UNC5D: variants seen among roughly 807,000 people sequenced by gnomAD.
The protein encoded by UNC5D is netrin receptor UNC5D.
A neutral mutation model predicts 105.4 loss-of-function variants in UNC5D; 39 were observed. That is an observed-to-expected ratio of 0.37 (90% confidence interval 0.29 to 0.48). The LOEUF (loss-of-function observed/expected upper bound fraction) is 0.48, where lower values mean the gene tolerates loss of function less well. Ranked by LOEUF, UNC5D falls within the 20% of genes least tolerant of loss-of-function variation. UNC5D has a pLI of 0.98. For missense variants in UNC5D, 991 were observed against 1,202.4 expected (o/e 0.82, Z 2.60); for synonymous variants, 452 against 450.4 (o/e 1.00, Z -0.04).
chr8:35,325,779 G>A (rs1176821014), intron 1 of UNC5D, among the ~76,000 whole-genome samples: 2 of 152,126 alleles, frequency 1.3e-5, no homozygotes, highest in African/African-American at 4.8e-5. Flanking sequence ...GAGGAAGGGG[G>A]AATGGAAAAG....
chr8:35,268,578 C>G (rs1805054648), intron 1 of UNC5D, among the ~76,000 whole-genome samples: 1 of 151,916 alleles, frequency 6.6e-6, no homozygotes, highest in Non-Finnish European at 1.5e-5. Flanking sequence ...ACTTTTGTGC[C>G]CTATTTTAAT....
rs141215120 is a variant in UNC5D at position 35,726,175 on chromosome 8, G to A, written c.1327G>A (p.Ala443Thr). The change falls in exon 10 of 17, where the codon GCC (alanine) becomes ACC (threonine). Residue 443 changes from alanine to threonine, a missense_variant. Coordinates refer to ENST00000404895, the MANE Select transcript of UNC5D (RefSeq NM_080872.4). ...AGGTAACTCCCTGCTCCTGAATTCTGCCATGCAGCCAGATCTGACAGTGAG... is the reference window on the plus strand; with the variant it reads ...AGGTAACTCCCTGCTCCTGAATTCTACCATGCAGCCAGATCTGACAGTGAG... ...RQGNSLLLNS[A>T]MQPDLTVSRT... The A allele has an allele frequency of 1.2e-5, 20 of 1,610,224 alleles. No individual in the cohort carries two copies. The African/African-American group carries it at 2.3e-4, about 18-fold the overall frequency.
intron 1 of UNC5D, among the ~76,000 whole-genome samples, chr8:35,325,109 C>T (rs1810047828): frequency 6.6e-6 from 1 of 152,076 alleles, no homozygotes; most frequent in South Asian, 2.1e-4. Flanking sequence ...ATGGGAGACC[C>T]TTGGAATCAG....
chr8:35,712,047 T>A (rs1393071730), intron 8 of UNC5D, among the ~76,000 whole-genome samples: 2 of 152,092 alleles, frequency 1.3e-5, no homozygotes, highest in Non-Finnish European at 2.9e-5. Flanking sequence ...CCAAGGTGGG[T>A]GGATCACAAG....
chr8:35,329,400 G>GAT (rs36221011), intron 1 of UNC5D, among the ~76,000 whole-genome samples: 6,542 of 147,082 alleles, frequency 0.044, 170 homozygotes, highest in Non-Finnish European at 0.065. Flanking sequence ...TTATTGGGTT[G>GAT]ATATATATAT....
At chr8:35,371,262 G>T (rs1423302507) in intron 1 of UNC5D, among the ~76,000 whole-genome samples, 2 of 151,964 alleles carry the variant, frequency 1.3e-5, no homozygotes, top group Non-Finnish European at 2.9e-5. Flanking sequence ...TCTGATTTAT[G>T]TTTCATACTT....
chr8:35,434,377 T>G (rs534571516), intron 1 of UNC5D, among the ~76,000 whole-genome samples: 3 of 152,216 alleles, frequency 2.0e-5, no homozygotes, highest in South Asian at 2.1e-4. Context: ...GAATTTTTTT[T>G]GGGTGGGGGT....
chr8:35,404,819 A>G (rs961483267), intron 1 of UNC5D, among the ~76,000 whole-genome samples: 8 of 152,020 alleles, frequency 5.3e-5, no homozygotes, highest in African/African-American at 1.9e-4. Context: ...TGAACTCCTG[A>G]TCTCAGGTGA....
chr8:35,685,083 T>G (rs577496764), intron 6 of UNC5D, among the ~76,000 whole-genome samples: 2 of 152,346 alleles, frequency 1.3e-5, no homozygotes, highest in East Asian at 3.9e-4. Flanking sequence ...TCTTGTGGCC[T>G]TTATTTGTAT....
At chr8:35,392,133 G>T (rs998741143) in intron 1 of UNC5D, among the ~76,000 whole-genome samples, 8 of 152,104 alleles carry the variant, frequency 5.3e-5, no homozygotes, top group Admixed American at 5.2e-4. Context: ...CTTTCCAAAG[G>T]TTCTCTAGGG....
intron 1 of UNC5D, among the ~76,000 whole-genome samples, chr8:35,271,764 C>A: frequency 7.2e-6 from 1 of 138,488 alleles, no homozygotes. Flanking sequence ...TACATGTATA[C>A]ATATATTTAC....
Position 35,438,009 on chromosome 8 carries a change from T to C in UNC5D, c.104-111283T>C. 2.6e-5 allele frequency among the ~76,000 whole-genome samples: 4 copies of C among 152,158 alleles called. No individual in the cohort carries two copies. In the South Asian group the frequency reaches 8.3e-4, roughly 32 times the overall value. ...AACTCTGTACTTTGTTTTTCAGTAT[T>C]CTTATTTCCATGTTTTCCAAATTTA... On this transcript the variant is annotated intron_variant, in intron 1 of 16. Coordinates refer to ENST00000404895, the MANE Select transcript of UNC5D (RefSeq NM_080872.4).
intron 1 of UNC5D, among the ~76,000 whole-genome samples, chr8:35,355,061 A>G (rs1801473349): frequency 6.6e-6 from 1 of 152,154 alleles, no homozygotes; most frequent in Middle Eastern, 3.2e-3. Flanking sequence ...TGACTGGCGA[A>G]TTGGCATGCA....
At chr8:35,429,119 A>G (rs1806452785) in intron 1 of UNC5D, among the ~76,000 whole-genome samples, 1 of 152,166 alleles carries the variant, frequency 6.6e-6, no homozygotes, top group Non-Finnish European at 1.5e-5. Context: ...AGAACACATC[A>G]TGGTTAATTG....
chr8:35,420,043 A>G (rs1805792209), intron 1 of UNC5D, among the ~76,000 whole-genome samples: 1 of 152,094 alleles, frequency 6.6e-6, no homozygotes, highest in Non-Finnish European at 1.5e-5. Context: ...TGGAAAAAGC[A>G]TTATTTGATG....
intron 6 of UNC5D, among the ~76,000 whole-genome samples, chr8:35,686,002 T>C (rs1825980691): frequency 6.6e-6 from 1 of 152,208 alleles, no homozygotes. Context: ...ACAGCAGCAG[T>C]CCATGACCCA....
At chr8:35,475,458 T>C (rs1463790513) in intron 1 of UNC5D, among the ~76,000 whole-genome samples, 3 of 152,170 alleles carry the variant, frequency 2.0e-5, no homozygotes, top group African/African-American at 7.2e-5. Context: ...TCTCTGTTCT[T>C]GTGTACTTGA....
intron 4 of UNC5D, among the ~76,000 whole-genome samples, chr8:35,641,256 A>G (rs369776929): frequency 6.7e-6 from 1 of 150,192 alleles, no homozygotes; most frequent in Non-Finnish European, 1.5e-5. Context: ...ACTAAACACT[A>G]TTTTACAGCT....
rs74456375 is a variant in UNC5D at position 35,516,256 on chromosome 8, T to G, written c.104-33036T>G. Among the ~76,000 whole-genome samples the G allele has an allele frequency of 3.6e-3, 547 of 152,322 alleles. 7 individuals are homozygous for G. The highest frequency in any genetic ancestry group is 0.013 in the African/African-American group (522 of 41,564). ...TGTTATATTTTTGATTCCCATCAGT[T>G]GCATGCAAATCTGGAATAAAACAGA... is the stretch of plus-strand genomic sequence containing the variant. On this transcript the variant is annotated intron_variant, in intron 1 of 16. Transcript: ENST00000404895.
Sources: gnomAD v4.1 joint callset for allele counts (sites outside exome capture counted in the v4.1 genomes callset) on GRCh38, gnomAD v4.1.1 for gene constraint, MANE v1.5 for transcripts, NCBI Gene and HGNC (gene_info 2026-07-23, HGNC 2026-07-21) for gene names.